PKD1L1: variants seen among roughly 807,000 people sequenced by gnomAD.
The protein encoded by PKD1L1 is polycystin-1-like protein 1.
Under a neutral mutation model 323.4 loss-of-function variants are expected in PKD1L1, and 236 were observed. The observed-to-expected ratio is 0.73, with a 90% CI of 0.66 to 0.81. PKD1L1 has a LOEUF of 0.81. Among genes scored for constraint, PKD1L1 ranks in the 40% least tolerant of loss-of-function variants. The pLI, the probability that PKD1L1 is intolerant of heterozygous loss-of-function variation, is 0.00. For synonymous variants in PKD1L1, 1,344 were observed against 1,335.0 expected, an observed-to-expected ratio of 1.01 and a Z score of -0.15; for missense variants, 3,320 against 3,508.0, an observed-to-expected ratio of 0.95 and a Z score of 1.35.
Position 47,815,572 on chromosome 7 carries a change from T to C in PKD1L1, c.6966-115A>G, listed in dbSNP as rs1388915674. 6 of 1,245,206 alleles carry C rather than the reference T, an allele frequency of 4.8e-6. No homozygotes were observed. The Admixed American group carries it at 1.3e-4, about 26-fold the overall frequency. The allele number at this position is 1,245,206 out of a possible 1,614,324, so 77.1% of individuals were successfully genotyped here. On this transcript the variant is annotated intron_variant, in intron 46 of 56. Coordinates refer to ENST00000289672, the MANE Select transcript of PKD1L1 (RefSeq NM_138295.5). ...TCTCTCATTCAGATTTCAGGTACTC[T>C]GCAGGAATTAAACTCAAGCTGCTTG...
chr7:47,781,399 GTTTTGTTTTGTTTTT>G (rs1786690679), intron 56 of PKD1L1, among the ~76,000 whole-genome samples: 1 of 71,772 alleles, frequency 1.4e-5, no homozygotes, highest in Non-Finnish European at 2.9e-5. Context: ...TTTTTTTTTT[GTTTTGTTTTGTTTTT>G]TTTTTTTTTT....
intron 26 of PKD1L1, among the ~76,000 whole-genome samples, chr7:47,862,263 G>C (rs1455917531): frequency 6.6e-6 from 1 of 152,162 alleles, no homozygotes. Flanking sequence ...TGAACAAACA[G>C]ATGGCATGAC....
intron 13 of PKD1L1, among the ~76,000 whole-genome samples, chr7:47,901,327 C>CAAAAAAAAAAAAA (rs71699736): frequency 4.4e-3 from 271 of 61,600 alleles, no homozygotes; most frequent in Middle Eastern, 0.01. Context: ...AACAGAGTCT[C>CAAAAAAAAAAAAA]AAAAAAAAAA....
At chr7:47,848,197 C>G (rs999803020) in intron 31 of PKD1L1, among the ~76,000 whole-genome samples, 1 of 152,140 alleles carries the variant, frequency 6.6e-6, no homozygotes, top group African/African-American at 2.4e-5. Flanking sequence ...CCATCCGACC[C>G]AGGAACAGCC....
At chr7:47,882,325 C>T (rs1786578414) in intron 19 of PKD1L1, among the ~76,000 whole-genome samples, 1 of 138,194 alleles carries the variant, frequency 7.2e-6, no homozygotes, top group Non-Finnish European at 1.6e-5. Flanking sequence ...TTCCTTCCTT[C>T]CTTCTGCAAG....
At chr7:47,886,986 G>T (rs1372400852) in intron 17 of PKD1L1, among the ~76,000 whole-genome samples, 1 of 152,192 alleles carries the variant, frequency 6.6e-6, no homozygotes, top group Non-Finnish European at 1.5e-5. Flanking sequence ...CCATGGGAGA[G>T]CCCAATTCTT....
intron 55 of PKD1L1, 79 bp from the exon 56 acceptor site, chr7:47,792,876 G>T: frequency 7.4e-7 from 1 of 1,349,196 alleles, no homozygotes. Flanking sequence ...GAAGCATTTA[G>T]GGGTATCATC....
Position 47,828,891 on chromosome 7 carries a change from G to A in PKD1L1, c.6735+534C>T, listed in dbSNP as rs146409817. On this transcript the variant is annotated intron_variant, in intron 44 of 56. Transcript: ENST00000289672. ...GTGGTTATTACAAGAGTACAGAATT[G>A]CACATGCATTTCAGGTGCTTAGTCA... Among the ~76,000 whole-genome samples the A allele has an allele frequency of 2.4e-3, 358 of 152,316 alleles. 1 individual carries two copies. Among genetic ancestry groups the A allele is most frequent in the Admixed American group, 6.9e-3 (105 of 15,306 alleles).
intron 32 of PKD1L1, 83 bp from the exon 33 acceptor site, chr7:47,845,161 T>A (rs980059954): frequency 8.8e-7 from 1 of 1,134,556 alleles, no homozygotes; most frequent in East Asian, 2.5e-5. Context: ...GTTAAAGGAA[T>A]GAGAAAAGGA....
chr7:47,780,938 G>A (rs1306491355), intron 56 of PKD1L1, among the ~76,000 whole-genome samples: 1 of 152,092 alleles, frequency 6.6e-6, no homozygotes, highest in East Asian at 1.9e-4. Flanking sequence ...ATAATTTCTG[G>A]GCGATAAGTT....
chr7:47,913,023 G>C (rs906963645), intron 8 of PKD1L1, among the ~76,000 whole-genome samples: 2 of 151,996 alleles, frequency 1.3e-5, no homozygotes, highest in Admixed American at 1.3e-4. Flanking sequence ...CAGTGGGCCT[G>C]AGAGTCTGTA....
intron 4 of PKD1L1, among the ~76,000 whole-genome samples, chr7:47,933,025 A>G (rs1451163070): frequency 6.6e-6 from 1 of 152,186 alleles, no homozygotes; most frequent in Non-Finnish European, 1.5e-5. Context: ...TGGAGCTCAG[A>G]GAATAGACCT....
At chr7:47,872,423 T>C (rs1192564198) in intron 24 of PKD1L1, among the ~76,000 whole-genome samples, 1 of 152,180 alleles carries the variant, frequency 6.6e-6, no homozygotes, top group Non-Finnish European at 1.5e-5. Flanking sequence ...GGCAGCATAG[T>C]ACTGGTATGA....
At position 47,885,949 on chromosome 7, in the gene PKD1L1, G is replaced by A; in HGVS notation, c.2942C>T (p.Pro981Leu). 6.2e-7 allele frequency: 1 copy of A among 1,614,210 alleles called. No homozygotes were observed. The highest frequency in any genetic ancestry group is 8.5e-7 in the Non-Finnish European group (1 of 1,180,044). The change falls in exon 18 of 57, where the codon CCT (proline) becomes CTT (leucine). Residue 981 changes from proline (P) to leucine (L), a missense_variant. Transcript: ENST00000289672. ...LLPTEPGTAD[P>L]DATTTPFSRE... ...TGAGAATGGTGTGGTCGTTGCATCA[G>A]GATCTGCAGTGCCAGGCTCAGTGGG...
intron 4 of PKD1L1, among the ~76,000 whole-genome samples, chr7:47,932,622 C>T (rs1350628745): frequency 1.3e-5 from 2 of 152,156 alleles, no homozygotes; most frequent in African/African-American, 4.8e-5. Context: ...ATCACCACCT[C>T]ACCCTGCTGA....
At chr7:47,913,881 C>T (rs914384655) in intron 8 of PKD1L1, among the ~76,000 whole-genome samples, 5 of 151,976 alleles carry the variant, frequency 3.3e-5, no homozygotes, top group East Asian at 1.9e-4. Context: ...ATACAGTAAA[C>T]GAAATTTGGG....
chr7:47,912,963 T>C (rs1787354495), intron 8 of PKD1L1, among the ~76,000 whole-genome samples: 2 of 151,986 alleles, frequency 1.3e-5, no homozygotes, highest in African/African-American at 4.8e-5. Context: ...GGAGGCTTCT[T>C]CAGACAGAGT....
intron 7 of PKD1L1, among the ~76,000 whole-genome samples, chr7:47,926,473 T>C (rs1477756280): frequency 6.6e-6 from 1 of 152,232 alleles, no homozygotes; most frequent in Non-Finnish European, 1.5e-5. Context: ...AGCTGTAGCA[T>C]GACCACCTTG....
Position 47,931,119 on chromosome 7 carries a change from G to A in PKD1L1, c.722C>T (p.Pro241Leu). The A allele has an allele frequency of 1.9e-6, 3 of 1,614,016 alleles. No individual in the cohort carries two copies. The highest frequency in any genetic ancestry group is 2.5e-6 in the Non-Finnish European group (3 of 1,179,922). Residue 241 changes from proline to leucine, a missense_variant, in exon 6 of 57, where the codon CCC (proline) becomes CTC (leucine). Transcript: ENST00000289672. Reference sequence around the variant, plus strand: ...TTCACCGTACCTTCTGGGAGAAGTGGGAAAATGTGAAATCGGCCACAGGGG... The same window carrying A: ...TTCACCGTACCTTCTGGGAGAAGTGAGAAAATGTGAAATCGGCCACAGGGG... ...RVPLWPISHFPTSPRSSHGLP... is the reference protein window; with the variant it reads ...RVPLWPISHFLTSPRSSHGLP...
Sources: gnomAD v4.1 joint callset for allele counts (sites outside exome capture counted in the v4.1 genomes callset) on GRCh38, gnomAD v4.1.1 for gene constraint, MANE v1.5 for transcripts, NCBI Gene and HGNC (gene_info 2026-07-23, HGNC 2026-07-21) for gene names.